The following VGLL4 variants were observed in gnomAD, a reference collection of about 807,000 sequenced individuals.
The protein encoded by VGLL4 is transcription cofactor vestigial-like protein 4.
A neutral mutation model predicts 21.0 loss-of-function variants in VGLL4; 7 were observed. That is an observed-to-expected ratio of 0.33 (90% CI 0.19 to 0.63). The LOEUF (loss-of-function observed/expected upper bound fraction) is 0.63. Among genes scored for constraint, VGLL4 ranks in the 20% least tolerant of loss-of-function variants. The pLI is 0.78. For missense variants in VGLL4, 394 were observed against 425.7 expected, an observed-to-expected ratio of 0.93 and a Z score of 0.66; for synonymous variants, 222 against 173.2, an observed-to-expected ratio of 1.28 and a Z score of -2.21.
At chr3:11,708,745 T>G (rs1263458052) in intron 1 of VGLL4, among the ~76,000 whole-genome samples, 1 of 152,144 alleles carries the variant, frequency 6.6e-6, no homozygotes. Context: ...AGTTTTGCAT[T>G]AGGATATAGT....
chr3:11,661,979 C>T (rs1390092228), intron 2 of VGLL4, among the ~76,000 whole-genome samples: 1 of 152,126 alleles, frequency 6.6e-6, no homozygotes, highest in African/African-American at 2.4e-5. Context: ...GAAACACAAC[C>T]AAATATATGG....
chr3:11,607,769 TAC>T (rs1278624988), intron 1 of VGLL4, among the ~76,000 whole-genome samples: 1 of 152,256 alleles, frequency 6.6e-6, no homozygotes. Flanking sequence ...CTTTTGTTAT[TAC>T]AGTTACATCT....
intron 1 of VGLL4, chr3:11,611,862 G>C (rs1468698657): frequency 1.3e-5 from 2 of 151,816 alleles, no homozygotes; most frequent in African/African-American, 4.8e-5. Context: ...TTGCCTGTAA[G>C]AGAGGAGGAC....
chr3:11,676,014 CA>C (rs1247202540), intron 2 of VGLL4, among the ~76,000 whole-genome samples: 1 of 152,290 alleles, frequency 6.6e-6, no homozygotes, highest in East Asian at 1.9e-4. Flanking sequence ...ATCTTAGTTA[CA>C]CACCATATGT....
At chr3:11,590,292 G>A (rs1470795021) in intron 2 of VGLL4, among the ~76,000 whole-genome samples, 1 of 152,190 alleles carries the variant, frequency 6.6e-6, no homozygotes, top group Non-Finnish European at 1.5e-5. Context: ...GATGCAGCAA[G>A]ATTTCAGTTC....
chr3:11,576,606 C>T (rs1014444913), intron 2 of VGLL4, among the ~76,000 whole-genome samples: 1 of 152,224 alleles, frequency 6.6e-6, no homozygotes, highest in Non-Finnish European at 1.5e-5. Context: ...CCGGGGACTA[C>T]TTGAGACAGC....
chr3:11,579,489 A>G (rs565294188), intron 2 of VGLL4, among the ~76,000 whole-genome samples: 44 of 152,346 alleles, frequency 2.9e-4, no homozygotes, highest in Non-Finnish European at 4.3e-4. Context: ...CTGGAGCTTC[A>G]CTGTAACATC....
intron 2 of VGLL4, among the ~76,000 whole-genome samples, chr3:11,572,677 A>G (rs2073822395): frequency 1.3e-5 from 2 of 152,058 alleles, no homozygotes; most frequent in African/African-American, 4.8e-5. Context: ...ATGCCAGCAC[A>G]CTGTATGTCT....
intron 2 of VGLL4, among the ~76,000 whole-genome samples, chr3:11,664,444 T>G (rs2076080843): frequency 6.6e-6 from 1 of 152,186 alleles, no homozygotes; most frequent in South Asian, 2.1e-4. Flanking sequence ...CAATCACCTC[T>G]GCTTTCTGAA....
intron 2 of VGLL4, among the ~76,000 whole-genome samples, chr3:11,592,747 G>A (rs997949891): frequency 6.6e-6 from 1 of 152,156 alleles, no homozygotes; most frequent in Non-Finnish European, 1.5e-5. Context: ...GTACTTACCA[G>A]AGTGTGTGAC....
At chr3:11,606,049 T>C (rs2074933847) in intron 1 of VGLL4, among the ~76,000 whole-genome samples, 1 of 152,212 alleles carries the variant, frequency 6.6e-6, no homozygotes, top group Non-Finnish European at 1.5e-5. Context: ...AGAGGCTTGA[T>C]GGATTCATAG....
At chr3:11,648,410 A>C (rs1215328888), upstream of VGLL4, among the ~76,000 whole-genome samples, 1 of 152,248 alleles carries the variant, frequency 6.6e-6, no homozygotes, top group Non-Finnish European at 1.5e-5. Flanking sequence ...TTTTAAAGTA[A>C]GGTTTTTGCT....
intron 2 of VGLL4, among the ~76,000 whole-genome samples, chr3:11,649,258 CAAT>C (rs2075835282): frequency 6.6e-6 from 1 of 152,034 alleles, no homozygotes; most frequent in Admixed American, 6.5e-5. Context: ...TAACTGAAAA[CAAT>C]AAAAATCGGA....
intron 2 of VGLL4, among the ~76,000 whole-genome samples, chr3:11,588,553 C>T (rs1230558050): frequency 6.6e-6 from 1 of 152,232 alleles, no homozygotes; most frequent in African/African-American, 2.4e-5. Context: ...CAGAAACCAC[C>T]TTCTGACACT....
intron 2 of VGLL4, among the ~76,000 whole-genome samples, chr3:11,670,850 C>T (rs956120071): frequency 6.6e-6 from 1 of 152,076 alleles, no homozygotes; most frequent in African/African-American, 2.4e-5. Flanking sequence ...CCAGCCTGGC[C>T]AACATGATGA....
intron 2 of VGLL4, among the ~76,000 whole-genome samples, chr3:11,581,212 A>G (rs988620558): frequency 6.6e-6 from 1 of 152,082 alleles, no homozygotes; most frequent in African/African-American, 2.4e-5. Context: ...GATTACAGGC[A>G]TGCACCACCA....
intron 1 of VGLL4, among the ~76,000 whole-genome samples, chr3:11,603,918 A>C (rs1349181846): frequency 6.6e-6 from 1 of 152,228 alleles, no homozygotes; most frequent in Non-Finnish European, 1.5e-5. Flanking sequence ...TTGGGTTAAG[A>C]ACAACATTCC....
At chr3:11,648,560 T>G (rs1414746669), upstream of VGLL4, among the ~76,000 whole-genome samples, 1 of 152,208 alleles carries the variant, frequency 6.6e-6, no homozygotes. Flanking sequence ...AGAATACAGA[T>G]TTTATGCTTT....
intron 2 of VGLL4, among the ~76,000 whole-genome samples, chr3:11,589,498 A>G (rs1285069572): frequency 2.6e-5 from 4 of 152,216 alleles, no homozygotes; most frequent in African/African-American, 9.6e-5. Context: ...GTTTGTGATA[A>G]GAGAATTTTG....
Sources: gnomAD v4.1 joint callset for allele counts (sites outside exome capture counted in the v4.1 genomes callset) on GRCh38, gnomAD v4.1.1 for gene constraint, MANE v1.5 for transcripts, NCBI Gene and HGNC (gene_info 2026-07-23, HGNC 2026-07-21) for gene names.